The following ZNF214 variants were observed in gnomAD, a reference collection of about 807,000 sequenced individuals.
ZNF214 encodes the protein zinc finger protein 214, also known as BWSCR2-associated zinc finger protein 1.
ZNF214 carries 43 observed loss-of-function variants against 53.9 expected under a neutral mutation model. That is an observed-to-expected ratio of 0.80 (90% CI 0.63 to 1.03). The LOEUF (loss-of-function observed/expected upper bound fraction) is 1.03. ZNF214 is among the 50% of genes least tolerant of loss of function. The pLI is 0.00. For missense variants in ZNF214, 724 were observed against 719.1 expected (o/e 1.01, Z -0.08); for synonymous variants, 217 against 229.5 (o/e 0.95, Z 0.49).
chr11:6,999,941 G>A lies in ZNF214; in HGVS notation c.1742C>T (p.Pro581Leu). Residue 581 changes from proline (P) to leucine (L), a missense_variant, in exon 3 of 3, where the codon CCT becomes CTT. Physicochemically the swap from Pro to Leu is moderately conservative, Grantham distance 98 (BLOSUM62 -3). Coordinates refer to ENST00000278314, the MANE Select transcript of ZNF214 (RefSeq NM_013249.4). Reference sequence around the variant, plus strand: ...CTTATAATATTCACGGCATTTGTAAGGTTTCTCTCCTGCATGGACTCTTTG... The same window carrying A: ...CTTATAATATTCACGGCATTTGTAAAGTTTCTCTCCTGCATGGACTCTTTG... ...IHQRVHAGEK[P>L]YKCREYYKGF... 1 of 1,612,968 alleles carries A rather than the reference G, an allele frequency of 6.2e-7. No homozygotes were observed. Among genetic ancestry groups the A allele is most frequent in the Non-Finnish European group, 8.5e-7 (1 of 1,179,370 alleles).
Position 7,002,829 on chromosome 11 carries a change from C to G in ZNF214, c.7G>C (p.Val3Leu), listed in dbSNP as rs770115537. Reference sequence around the variant, plus strand: ...ATAATAGTCACATCTTCAAATGTTACTGCCATCTGGTCAAAGATCAGGCTT... The same window carrying G: ...ATAATAGTCACATCTTCAAATGTTAGTGCCATCTGGTCAAAGATCAGGCTT... MA[V>L]TFEDVTIIFT... Residue 3 changes from valine (V) to leucine (L), a missense_variant, in exon 2 of 3, where the codon GTA (valine) becomes CTA (leucine). Transcript: ENST00000278314. The G allele has an allele frequency of 6.3e-7, 1 of 1,597,310 alleles. No individual in the cohort carries two copies. Among genetic ancestry groups the G allele is most frequent in the Non-Finnish European group, 8.5e-7 (1 of 1,173,570 alleles).
At chr11:7,005,093 A>G (rs1438189736) in intron 1 of ZNF214, among the ~76,000 whole-genome samples, 1 of 151,790 alleles carries the variant, frequency 6.6e-6, no homozygotes, top group African/African-American at 2.4e-5. Context: ...TCTTAAATAT[A>G]TCATATTTCT....
In ZNF214 at chr11:7,000,255, C is replaced by T. The variant is rs776110302; in HGVS notation, c.1428G>A (p.Gly476=). The T allele has an allele frequency of 2.5e-6, 4 of 1,612,930 alleles. No individual in the cohort carries two copies. The South Asian group carries it at 4.4e-5, about 18-fold the overall frequency. ...GCTTTGAACTCTTACTGAAGCCCTT[C>T]CCACATTCAGGACAAGTATAGGGTT... The part of the protein sequence containing the change: ...GEKPYTCPEC[G]KGFSKSSKLH... The change falls in exon 3 of 3, where the codon GGG becomes GGA. Residue 476 remains glycine (G), a synonymous_variant. Coordinates refer to ENST00000278314, the MANE Select transcript of ZNF214 (RefSeq NM_013249.4).
At chr11:7,015,296 G>A (rs1851734824) in intron 1 of ZNF214, among the ~76,000 whole-genome samples, 1 of 152,074 alleles carries the variant, frequency 6.6e-6, no homozygotes, top group South Asian at 2.1e-4. Context: ...ATAGGGTTGG[G>A]GTCGGGTGCG....
intron 1 of ZNF214, among the ~76,000 whole-genome samples, chr11:7,014,775 T>A (rs561218467): frequency 7.5e-6 from 1 of 132,716 alleles, no homozygotes; most frequent in Non-Finnish European, 1.5e-5. Context: ...GAGACCAGCC[T>A]GGCCAACATG....
At position 6,998,104 on chromosome 11, in the gene ZNF214, C is replaced by G. The variant is rs140577126; in HGVS notation, c.*1758G>C. On this transcript the variant is annotated 3_prime_UTR_variant, in exon 3 of 3. Transcript: ENST00000278314. ...TTGTTTCCTGCACATATGAAAGACA[C>G]TTTTGTTATAAAACTGGTGATAATA... is the stretch of plus-strand genomic sequence containing the variant. Among the ~76,000 whole-genome samples the G allele has an allele frequency of 3.9e-5, 6 of 152,018 alleles. No homozygotes were observed. The East Asian group carries it at 1.2e-3, about 29-fold the overall frequency.
At chr11:7,014,688 T>C (rs956006027) in intron 1 of ZNF214, among the ~76,000 whole-genome samples, 1 of 151,302 alleles carries the variant, frequency 6.6e-6, no homozygotes, top group Non-Finnish European at 1.5e-5. Flanking sequence ...TGATTTAGGC[T>C]GGGCATGGTG....
In ZNF214 at chr11:7,000,760, C is replaced by T. The variant is rs1257115310; in HGVS notation, c.923G>A (p.Cys308Tyr). The T allele has an allele frequency of 1.9e-6, 3 of 1,610,774 alleles. No individual in the cohort carries two copies. Residue 308 changes from cysteine (C) to tyrosine (Y), a missense_variant, in exon 3 of 3, where the codon TGT becomes TAT. Physicochemically the swap from Cys to Tyr is radical, Grantham distance 194 (BLOSUM62 -2). Coordinates refer to ENST00000278314, the MANE Select transcript of ZNF214 (RefSeq NM_013249.4). ...IGEVPYSCNA[C>Y]GKSFSQISSL... Reference sequence around the variant, plus strand: ...AGAGATCTGGCTGAAGCTCTTACCACATGCATTACAGCTATAAGGTACCTC... The same window carrying T: ...AGAGATCTGGCTGAAGCTCTTACCATATGCATTACAGCTATAAGGTACCTC...
chr11:6,999,863 TA>T lies in ZNF214; in HGVS notation c.1819del (p.Ter607LysfsTer7). The T allele has an allele frequency of 6.3e-6, 10 of 1,599,502 alleles. No individual in the cohort carries two copies. Among genetic ancestry groups the T allele is most frequent in the Non-Finnish European group, 8.5e-6 (10 of 1,172,670 alleles). On this transcript the variant is annotated frameshift_variant and stop_lost, in exon 3 of 3. Coordinates refer to ENST00000278314, the MANE Select transcript of ZNF214 (RefSeq NM_013249.4). LOFTEE classifies it high-confidence loss of function. ...LHNNHRRGNL[*>X] is the part of the protein sequence containing the mutation. ...AGCTGTTAACTAAATGAACAATATT[TA>T]TAAGTTTCCTCTTCTATGATTATTG...
In ZNF214 at chr11:7,001,041, CA is replaced by C; in HGVS notation, c.641del (p.Met214ArgfsTer57). 2 of 1,613,216 alleles carry C rather than the reference CA, an allele frequency of 1.2e-6. No individual in the cohort carries two copies. The highest frequency in any genetic ancestry group is 1.7e-6 in the Non-Finnish European group (2 of 1,179,562). On this transcript the variant is annotated frameshift_variant, in exon 3 of 3. Coordinates refer to ENST00000278314, the MANE Select transcript of ZNF214 (RefSeq NM_013249.4). LOFTEE classifies it high-confidence loss of function. ...TATTACATCCACAGTACTTTTCTTC[CA>C]TTGAATCTCTCAGTAGGTCTTCTTG... ...ICQEDLLRDS[M>X]EEKYCGCNKC...
rs1851219075 is a variant in ZNF214 at position 6,997,676 on chromosome 11, C to T, written c.*2186G>A. On this transcript the variant is annotated 3_prime_UTR_variant, in exon 3 of 3. Coordinates refer to ENST00000278314, the MANE Select transcript of ZNF214 (RefSeq NM_013249.4). ...GCTATTTAAGATCAGAAATGTGGCA[C>T]TTATGGTCTCTCTCCAGTTGCCGGA... is the stretch of plus-strand genomic sequence containing the variant. Among the ~76,000 whole-genome samples, 1 of 150,934 alleles carries T rather than the reference C, an allele frequency of 6.6e-6. No homozygotes were observed. The highest frequency in any genetic ancestry group is 2.4e-5 in the African/African-American group (1 of 41,052).
At chr11:7,011,428 T>A (rs1851602917) in intron 1 of ZNF214, among the ~76,000 whole-genome samples, 1 of 152,002 alleles carries the variant, frequency 6.6e-6, no homozygotes, top group Non-Finnish European at 1.5e-5. Flanking sequence ...TCCATGATAA[T>A]CTCAACTGAT....
chr11:7,011,987 A>G (rs183758249), intron 1 of ZNF214, among the ~76,000 whole-genome samples: 1 of 152,298 alleles, frequency 6.6e-6, no homozygotes, highest in Admixed American at 6.5e-5. Context: ...ACGCTCTTGG[A>G]TGCAGTAACT....
At chr11:7,017,923 G>A (rs1297185771) in intron 1 of ZNF214, among the ~76,000 whole-genome samples, 2 of 152,102 alleles carry the variant, frequency 1.3e-5, no homozygotes, top group Admixed American at 6.5e-5. Context: ...CTTAGTATAC[G>A]CACAGTACAC....
intron 1 of ZNF214, among the ~76,000 whole-genome samples, chr11:7,014,029 A>C (rs1565000284): frequency 6.6e-6 from 1 of 152,240 alleles, no homozygotes; most frequent in Non-Finnish European, 1.5e-5. Context: ...AACATATCTT[A>C]AACCCAAAGA....
In ZNF214 at chr11:6,998,745, C is replaced by T. The variant is rs138620691; in HGVS notation, c.*1117G>A. Among the ~76,000 whole-genome samples the T allele has an allele frequency of 3.3e-4, 50 of 152,026 alleles. No homozygotes were observed. Among genetic ancestry groups the T allele is most frequent in the African/African-American group, 1.1e-3 (45 of 41,508 alleles). The stretch of plus-strand genomic sequence containing the variant: ...TGGAAATTTCCTCTGAAGCCTGCAG[C>T]AGCTAATTTTCAGGGCAATAAGTTT... On this transcript the variant is annotated 3_prime_UTR_variant, in exon 3 of 3. Transcript: ENST00000278314.
intron 1 of ZNF214, among the ~76,000 whole-genome samples, chr11:7,016,251 T>A (rs185533918): frequency 1.3e-4 from 20 of 152,296 alleles, no homozygotes; most frequent in Non-Finnish European, 1.5e-4. Context: ...ACTATAAAGA[T>A]GAAAGCCTAG....
chr11:7,007,025 G>C (rs1241162165), intron 1 of ZNF214, among the ~76,000 whole-genome samples: 1 of 151,820 alleles, frequency 6.6e-6, no homozygotes, highest in African/African-American at 2.4e-5. Context: ...AAGAAAAAAG[G>C]AGACATAGAA....
intron 1 of ZNF214, among the ~76,000 whole-genome samples, chr11:7,012,192 G>C (rs1239930413): frequency 3.3e-5 from 5 of 152,172 alleles, no homozygotes; most frequent in African/African-American, 4.8e-5. Context: ...CAGTAGAACA[G>C]AGCAGAGGGC....
Sources: allele counts gnomAD v4.1 joint callset (sites outside exome capture counted in the v4.1 genomes callset), GRCh38; gene constraint gnomAD v4.1.1; transcripts MANE v1.5; gene names NCBI Gene and HGNC (gene_info 2026-07-23, HGNC 2026-07-21).